PFKFB1: variants seen among roughly 807,000 people sequenced by gnomAD.
The protein encoded by PFKFB1 is 6-phosphofructo-2-kinase/fructose-2,6-biphosphatase 1, also known as 6-phosphofructo-2-kinase/fructose-2,6-bisphosphatase 1.
Under a neutral mutation model 46.4 loss-of-function variants are expected in PFKFB1, and 34 were observed. That is an observed-to-expected ratio of 0.73 (90% CI 0.56 to 0.98). PFKFB1 has a LOEUF of 0.98. Ranked by LOEUF, PFKFB1 falls within the 50% of genes least tolerant of loss-of-function variation. PFKFB1 has a pLI of 0.00. For synonymous variants in PFKFB1, 119 were observed against 133.8 expected (o/e 0.89, Z 0.76); for missense variants, 393 against 376.3 (o/e 1.04, Z -0.37).
At chrX:54,956,326 T>G in intron 6 of PFKFB1, 52 bp from the exon 7 acceptor site, 1 of 1,198,056 alleles carries the variant, frequency 8.3e-7, no homozygotes, top group Admixed American at 2.2e-5. Context: ...AGACAGATGG[T>G]TTTCTTTGGA....
At chrX:54,948,250 G>C (rs1047470963) in intron 9 of PFKFB1, among the ~76,000 whole-genome samples, 1 of 111,250 alleles carries the variant, frequency 9.0e-6, no homozygotes. Flanking sequence ...CATTCCCAAA[G>C]TCCTTCTTCA....
chrX:54,982,536 A>C (rs1935020389), intron 1 of PFKFB1, among the ~76,000 whole-genome samples: 1 of 112,165 alleles, frequency 8.9e-6, no homozygotes, highest in African/African-American at 3.2e-5. Flanking sequence ...AATAAAAAGC[A>C]ATACAGTATA....
chrX:54,935,145 C>T (rs1933344411), intron 11 of PFKFB1, 136 bp from the exon 12 acceptor site: 1 of 510,343 alleles, frequency 2.0e-6, no homozygotes, highest in Non-Finnish European at 3.5e-6. Flanking sequence ...GGCCCACTCC[C>T]CACACCCTGC....
chrX:54,963,429 C>T, intron 1 of PFKFB1, 47 bp from the exon 2 acceptor site: 1 of 1,177,451 alleles, frequency 8.5e-7, no homozygotes, highest in Non-Finnish European at 1.2e-6. Context: ...GATTCATAGG[C>T]TCTTCTGGTA....
intron 1 of PFKFB1, among the ~76,000 whole-genome samples, chrX:54,968,855 TACATATCA>T (rs1340900673): frequency 9.0e-6 from 1 of 110,631 alleles, no homozygotes; most frequent in Non-Finnish European, 1.9e-5. Context: ...GACAGGAAAA[TACATATCA>T]ACTTACTCTG....
At chrX:54,938,823 C>G (rs1306424370) in intron 10 of PFKFB1, among the ~76,000 whole-genome samples, 2 of 111,517 alleles carry the variant, frequency 1.8e-5, no homozygotes, top group Non-Finnish European at 3.8e-5. Context: ...CAACATTAGA[C>G]AGATCAATGA....
intron 1 of PFKFB1, among the ~76,000 whole-genome samples, chrX:54,973,761 T>C (rs921433203): frequency 2.7e-4 from 30 of 111,190 alleles, no homozygotes; most frequent in African/African-American, 9.5e-4. Context: ...TACTTCCAAC[T>C]ATGTGGTCAA....
chrX:54,953,945 A>G (rs1423021449), intron 7 of PFKFB1, among the ~76,000 whole-genome samples: 1 of 112,131 alleles, frequency 8.9e-6, no homozygotes. Context: ...CTATGCATTT[A>G]TACCTCAAGA....
In PFKFB1 at chrX:54,949,232, G is replaced by T; in HGVS notation, c.847-11C>A. 8.5e-7 allele frequency: 1 copy of T among 1,181,041 alleles called. No individual in the cohort carries two copies. Among genetic ancestry groups the T allele is most frequent in the African/African-American group, 1.7e-5 (1 of 57,207 alleles). ...CAGGGCATAGGCATACTAGGATGTG[G>T]GGATGCAGAGGAGGAGAGAAGGGGA... On this transcript the variant is annotated splice_polypyrimidine_tract_variant and intron_variant, in intron 8 of 13. Transcript: ENST00000375006.
chrX:54,989,480 G>T (rs761145988), intron 1 of PFKFB1, among the ~76,000 whole-genome samples: 1 of 111,540 alleles, frequency 9.0e-6, no homozygotes, highest in East Asian at 2.8e-4. Flanking sequence ...AAGATTGACA[G>T]AATTACAAGG....
At chrX:54,996,969 A>G (rs1481224851), upstream of PFKFB1, among the ~76,000 whole-genome samples, 1 of 110,816 alleles carries the variant, frequency 9.0e-6, no homozygotes, top group Non-Finnish European at 1.9e-5. Flanking sequence ...ATCCACCAGT[A>G]TTTTCCTGGT....
chrX:54,946,147 G>A (rs1933806914), intron 9 of PFKFB1, among the ~76,000 whole-genome samples: 1 of 110,979 alleles, frequency 9.0e-6, no homozygotes, highest in South Asian at 3.9e-4. Context: ...TGTCTCTGGT[G>A]TATATGTGAG....
At chrX:54,944,603 C>T (rs926712563) in intron 10 of PFKFB1, among the ~76,000 whole-genome samples, 19 of 111,634 alleles carry the variant, frequency 1.7e-4, no homozygotes, top group Non-Finnish European at 3.4e-4. Context: ...AGATAAAATA[C>T]GTTTTTAGGC....
chrX:54,993,992 C>T lies in PFKFB1; in HGVS notation c.16G>A (p.Gly6Arg). Reference sequence around the variant, plus strand: ...TGCAACCTGGTTTGGGTGAGCTCTCCCATCTCTGGAGACATCTTAGGAGTC... The same window carrying T: ...TGCAACCTGGTTTGGGTGAGCTCTCTCATCTCTGGAGACATCTTAGGAGTC... The part of the protein sequence containing the change: MSPEM[G>R]ELTQTRLQKI... The change falls in exon 1 of 14, where the codon GGA becomes AGA. Residue 6 changes from glycine (G) to arginine (R), a missense_variant. By Grantham distance (125) the Gly-to-Arg change is moderately radical (BLOSUM62 -2). Coordinates refer to ENST00000375006, the MANE Select transcript of PFKFB1 (RefSeq NM_002625.4). 1 of 1,204,757 alleles carries T rather than the reference C, an allele frequency of 8.3e-7. No homozygotes were observed. Among genetic ancestry groups the T allele is most frequent in the Non-Finnish European group, 1.1e-6 (1 of 891,948 alleles).
chrX:54,944,288 T>C (rs947261565), intron 10 of PFKFB1, among the ~76,000 whole-genome samples: 111 of 111,181 alleles, frequency 1.0e-3, no homozygotes, highest in African/African-American at 3.4e-3. Context: ...AATATGGATA[T>C]AAAAACTTTA....
At chrX:54,993,797 T>C (rs1479258048) in intron 1 of PFKFB1, 114 bp downstream of exon 1, 1 of 997,885 alleles carries the variant, frequency 1.0e-6, no homozygotes, top group Non-Finnish European at 1.3e-6. Context: ...TGTTCATCTA[T>C]TCCAACTTTT....
intron 4 of PFKFB1, among the ~76,000 whole-genome samples, chrX:54,959,389 C>A (rs1180330532): frequency 8.9e-6 from 1 of 112,168 alleles, no homozygotes; most frequent in Non-Finnish European, 1.9e-5. Flanking sequence ...TTGAGAATCT[C>A]CTCCCCTTTT....
intron 8 of PFKFB1, 21 bp from the exon 9 acceptor site, chrX:54,949,242 G>A: frequency 8.5e-7 from 1 of 1,170,476 alleles, no homozygotes; most frequent in Non-Finnish European, 1.2e-6. Flanking sequence ...GGGATGCAGA[G>A]GAGGAGAGAA....
chrX:54,956,368 C>G, intron 6 of PFKFB1, 94 bp from the exon 7 acceptor site: 3 of 1,028,235 alleles, frequency 2.9e-6, no homozygotes, highest in South Asian at 4.3e-5. Flanking sequence ...GTACAAGATG[C>G]CTCATTATAA....
Sources: allele counts gnomAD v4.1 joint callset (sites outside exome capture counted in the v4.1 genomes callset), GRCh38; gene constraint gnomAD v4.1.1; transcripts MANE v1.5; gene names NCBI Gene and HGNC (gene_info 2026-07-23, HGNC 2026-07-21).